The following AOPEP variants were observed in gnomAD, a reference collection of about 807,000 sequenced individuals.
The protein encoded by AOPEP is aminopeptidase O (putative).
A neutral mutation model predicts 98.1 loss-of-function variants in AOPEP; 77 were observed. The observed-to-expected ratio is 0.78, with a 90% CI of 0.65 to 0.95. AOPEP has a LOEUF of 0.95. Among genes scored for constraint, AOPEP ranks in the 40% least tolerant of loss-of-function variants. The probability of loss-of-function intolerance (pLI) is 0.00; values close to 1 mark genes in which losing one functional copy is unlikely to be tolerated. For synonymous variants in AOPEP, 346 were observed against 365.3 expected (o/e 0.95, Z 0.60); for missense variants, 1,024 against 1,024.7 (o/e 1.00, Z 0.01).
Position 95,080,757 on chromosome 9 carries a change from G to T in AOPEP, c.2296G>T (p.Glu766Ter). Residue 766 changes from glutamate to a stop codon, truncating the protein, a stop_gained, in exon 15 of 17, where the codon GAG becomes TAG. Coordinates refer to ENST00000375315, the MANE Select transcript of AOPEP (RefSeq NM_001193329.3). LOFTEE classifies it high-confidence loss of function. ...GTTCACGAAAGCCTACAAAAGTGTG[G>T]AGAGGTTCCTTCAGGAGGATCAGGT... is the stretch of plus-strand genomic sequence containing the variant. ...HKFTKAYKSVERFLQEDQAMG... is the reference protein window; with the variant it reads ...HKFTKAYKSV 1.9e-6 allele frequency: 3 copies of T among 1,614,088 alleles called. No homozygotes were observed. Among genetic ancestry groups the T allele is most frequent in the Non-Finnish European group, 2.5e-6 (3 of 1,179,952 alleles).
the AOPEP span, among the ~76,000 whole-genome samples, chr9:95,134,620 T>C: frequency 1.3e-5 from 2 of 152,252 alleles, no homozygotes; most frequent in Non-Finnish European, 2.9e-5. Context: ...TGCAGGTTTC[T>C]GAATCATTTT....
intron 5 of AOPEP, among the ~76,000 whole-genome samples, chr9:94,899,254 G>A (rs1484830408): frequency 8.3e-6 from 1 of 120,932 alleles, no homozygotes; most frequent in Non-Finnish European, 1.6e-5. Context: ...GCGCCATCTC[G>A]GCTCACTGCA....
At chr9:94,738,530 C>T (rs1032546120) in intron 1 of AOPEP, among the ~76,000 whole-genome samples, 9 of 152,096 alleles carry the variant, frequency 5.9e-5, no homozygotes, top group Non-Finnish European at 1.0e-4. Flanking sequence ...TTTGTACCAC[C>T]TGTGCTACAG....
the AOPEP span, chr9:95,135,317 T>G: frequency 6.2e-7 from 1 of 1,610,942 alleles, no homozygotes; most frequent in Admixed American, 1.7e-5. Flanking sequence ...CTTCAAGGAT[T>G]TTTCCCTTCA....
At chr9:94,791,277 G>A (rs1357886478) in intron 3 of AOPEP, among the ~76,000 whole-genome samples, 1 of 152,076 alleles carries the variant, frequency 6.6e-6, no homozygotes, top group East Asian at 1.9e-4. Context: ...CTTATAAGTG[G>A]GAGGTGAACA....
chr9:95,132,995 T>C, the AOPEP span, among the ~76,000 whole-genome samples: 1 of 152,238 alleles, frequency 6.6e-6, no homozygotes, highest in African/African-American at 2.4e-5. Flanking sequence ...CCAACTCTAA[T>C]GTAATAGGCA....
At chr9:94,905,427 G>C (rs902493633) in intron 5 of AOPEP, among the ~76,000 whole-genome samples, 4 of 152,182 alleles carry the variant, frequency 2.6e-5, no homozygotes, top group African/African-American at 7.2e-5. Flanking sequence ...CACGTCCTCA[G>C]ATAACAGAGG....
intron 11 of AOPEP, among the ~76,000 whole-genome samples, chr9:94,994,584 C>T (rs952881424): frequency 1.3e-5 from 2 of 152,192 alleles, no homozygotes; most frequent in Non-Finnish European, 2.9e-5. Flanking sequence ...ATGCATGTAG[C>T]TCTGGTTAGG....
chr9:95,050,950 A>G (rs2066292234), intron 13 of AOPEP, among the ~76,000 whole-genome samples: 1 of 152,164 alleles, frequency 6.6e-6, no homozygotes, highest in African/African-American at 2.4e-5. Context: ...CTAAGAGTGT[A>G]TGTGTGTGTC....
At chr9:94,815,547 T>G (rs1036196855) in intron 5 of AOPEP, among the ~76,000 whole-genome samples, 8 of 152,232 alleles carry the variant, frequency 5.3e-5, no homozygotes, top group African/African-American at 1.9e-4. Context: ...ATGGCCATTA[T>G]GGACTGGGTA....
chr9:95,087,869 A>C (rs529112181), downstream of AOPEP, among the ~76,000 whole-genome samples: 37 of 152,314 alleles, frequency 2.4e-4, no homozygotes, highest in South Asian at 6.2e-4. Flanking sequence ...AGTGCACCTG[A>C]ACACACCCAC....
At chr9:94,897,867 A>G (rs1233743047) in intron 5 of AOPEP, among the ~76,000 whole-genome samples, 1 of 143,214 alleles carries the variant, frequency 7.0e-6, no homozygotes, top group African/African-American at 2.6e-5. Flanking sequence ...GGATACAGAG[A>G]CTTGCTCTGT....
chr9:94,887,816 T>C (rs1372519525), intron 5 of AOPEP, among the ~76,000 whole-genome samples: 2 of 152,136 alleles, frequency 1.3e-5, no homozygotes, highest in South Asian at 2.1e-4. Flanking sequence ...TTAGGCTTTT[T>C]TTTTCTGAAA....
At chr9:94,984,976 C>T (rs1004031073) in intron 11 of AOPEP, among the ~76,000 whole-genome samples, 7 of 152,332 alleles carry the variant, frequency 4.6e-5, no homozygotes, top group African/African-American at 1.7e-4. Context: ...CATGAACTAG[C>T]AGCCTTGCAT....
chr9:94,913,129 A>G (rs564239429), intron 5 of AOPEP, among the ~76,000 whole-genome samples: 1 of 152,328 alleles, frequency 6.6e-6, no homozygotes, highest in Admixed American at 6.5e-5. Context: ...CCACATTTTC[A>G]CCACGGTGAA....
intron 13 of AOPEP, among the ~76,000 whole-genome samples, chr9:95,030,396 C>T (rs879666345): frequency 2.6e-5 from 4 of 152,158 alleles, no homozygotes; most frequent in African/African-American, 4.8e-5. Context: ...CTGTTATGTA[C>T]ATTTCATAAA....
intron 5 of AOPEP, among the ~76,000 whole-genome samples, chr9:94,834,603 G>T (rs994130476): frequency 6.6e-6 from 1 of 152,042 alleles, no homozygotes; most frequent in African/African-American, 2.4e-5. Context: ...GATCATTGTG[G>T]GTAACATGGC....
the AOPEP span, among the ~76,000 whole-genome samples, chr9:95,126,143 TCTTTAG>T: frequency 6.6e-6 from 1 of 152,248 alleles, no homozygotes; most frequent in South Asian, 2.1e-4. Context: ...TTCTTGGCTT[TCTTTAG>T]CTTTAAAGTC....
rs116153319 is a variant in AOPEP, at chr9:94,834,614, G to A, written c.1364+33612G>A. ...TCCAGATCATTGTGGGTAACATGGCGAAACCTTTTCTCTACTAAAAATCAA... is the reference window on the plus strand; with the variant it reads ...TCCAGATCATTGTGGGTAACATGGCAAAACCTTTTCTCTACTAAAAATCAA... On this transcript the variant is annotated intron_variant, in intron 5 of 16. Transcript: ENST00000375315. Among the ~76,000 whole-genome samples the A allele has an allele frequency of 8.8e-3, 1,339 of 152,110 alleles. 18 individuals are homozygous for A. Among genetic ancestry groups the A allele is most frequent in the African/African-American group, 0.031 (1,273 of 41,478 alleles).
Sources: allele counts gnomAD v4.1 joint callset (sites outside exome capture counted in the v4.1 genomes callset), GRCh38; gene constraint gnomAD v4.1.1; transcripts MANE v1.5; gene names NCBI Gene and HGNC (gene_info 2026-07-23, HGNC 2026-07-21).